The following MEF2B variants were observed in gnomAD, a reference collection of about 807,000 sequenced individuals.
MEF2B encodes myocyte enhancer factor 2B, also known as myocyte-specific enhancer factor 2B.
In MEF2B, 15 loss-of-function variants were observed where a neutral mutation model predicts 32.2. That is an observed-to-expected ratio of 0.47 (90% CI 0.31 to 0.72). The LOEUF (loss-of-function observed/expected upper bound fraction) is 0.72. MEF2B is among the 30% of genes least tolerant of loss of function. The pLI is 0.05. For synonymous variants in MEF2B, 205 were observed against 225.6 expected (o/e 0.91, Z 0.82); for missense variants, 441 against 511.5 (o/e 0.86, Z 1.33).
At chr19:19,149,069 T>G in intron 3 of MEF2B, 157 bp downstream of exon 3, 17 of 875,082 alleles carry the variant, frequency 1.9e-5, no homozygotes, top group East Asian at 2.7e-5. Flanking sequence ...AATGTTTGGA[T>G]GAGTGGAGGG....
chr19:19,162,435 C>T (rs1263503063), intron 1 of MEF2B, among the ~76,000 whole-genome samples: 1 of 152,170 alleles, frequency 6.6e-6, no homozygotes, highest in African/African-American at 2.4e-5. Flanking sequence ...ACAGGCCTGG[C>T]TGCCTTCCCA....
Position 19,147,095 on chromosome 19 carries a change from A to T in MEF2B, c.482T>A (p.Leu161Gln), listed in dbSNP as rs142225963. The T allele has an allele frequency of 5.0e-6, 8 of 1,609,254 alleles. No homozygotes were observed. In the Admixed American group the frequency reaches 1.0e-4, roughly 20 times the overall value. Reference sequence around the variant, plus strand: ...GGGAGATGGGCGGCTCTGGGCGGGCAGTGCTTCCCCAAGCCCACTGGGGTC... The same window carrying T: ...GGGAGATGGGCGGCTCTGGGCGGGCTGTGCTTCCCCAAGCCCACTGGGGTC... ...GCDPSGLGEA[L>Q]PAQSRPSPFR... The change falls in exon 5 of 9, where the codon CTG (leucine) becomes CAG (glutamine). Residue 161 changes from leucine to glutamine, a missense_variant. By Grantham distance (113) the Leu-to-Gln change is moderately radical. Around this residue, in one of 2 missense-constraint regions of MEF2B, gnomAD observed 326 missense variants for 328.4 expected, o/e 0.99. Transcript: ENST00000424583.
chr19:19,147,608 C>A, intron 4 of MEF2B, 90 bp downstream of exon 4: 1 of 1,557,510 alleles, frequency 6.4e-7, no homozygotes, highest in Non-Finnish European at 8.7e-7. Flanking sequence ...GGATCCCTGG[C>A]TCTAAGCCCC....
In MEF2B at chr19:19,170,220, C is replaced by T. The variant is rs998648312; in HGVS notation, c.-45G>A. 7.5e-6 allele frequency: 3 copies of T among 398,568 alleles called. No individual in the cohort carries two copies. Among genetic ancestry groups the T allele is most frequent in the Middle Eastern group, 1.3e-3 (2 of 1,590 alleles). The allele number at this position is 398,568 out of a possible 1,614,324, so 24.7% of individuals were successfully genotyped here. A position where few individuals can be genotyped will look rare whatever the true frequency, so the allele number is the denominator to read the frequency against. On this transcript the variant is annotated 5_prime_UTR_variant, in exon 1 of 9. Transcript: ENST00000424583. Reference sequence around the variant, plus strand: ...TGACACGCACCTGCTCGGCCTGGGCCCTGGGACGCTGGGCGCACGGACCCG... The same window carrying T: ...TGACACGCACCTGCTCGGCCTGGGCTCTGGGACGCTGGGCGCACGGACCCG...
intron 1 of MEF2B, among the ~76,000 whole-genome samples, chr19:19,163,341 G>A (rs986157345): frequency 6.6e-5 from 10 of 151,842 alleles, no homozygotes; most frequent in Admixed American, 1.3e-4. Context: ...TTAGAGCCGG[G>A]GTCTCCCTGT....
intron 4 of MEF2B, among the ~76,000 whole-genome samples, chr19:19,147,448 A>AGG (rs1220876495): frequency 2.9e-5 from 2 of 68,804 alleles, no homozygotes; most frequent in Non-Finnish European, 6.6e-5. Flanking sequence ...AGGGGGCTGC[A>AGG]CAGAGTGTTT....
intron 1 of MEF2B, among the ~76,000 whole-genome samples, chr19:19,163,441 C>T (rs751841294): frequency 5.3e-5 from 8 of 152,140 alleles, no homozygotes; most frequent in African/African-American, 1.4e-4. Flanking sequence ...TAAGCCACCA[C>T]GCCCGGCCAA....
rs1282775152 is a variant in MEF2B at position 19,165,528 on chromosome 19, T to TC, written c.-30+4676dup. ...GTGGGACTGTGCTAAACAGGTGGCTTCCAGGAGCAGGCAAACCCCACACAT... is the reference window on the plus strand; with the variant it reads ...GTGGGACTGTGCTAAACAGGTGGCTTCCCAGGAGCAGGCAAACCCCACACAT... On this transcript the variant is annotated intron_variant, in intron 1 of 8. Transcript: ENST00000424583. Among the ~76,000 whole-genome samples, 3 of 152,128 alleles carry TC rather than the reference T, an allele frequency of 2.0e-5. No homozygotes were observed. The South Asian group carries it at 6.2e-4, about 32-fold the overall frequency.
chr19:19,159,838 C>T (rs2060146400), intron 1 of MEF2B, among the ~76,000 whole-genome samples: 1 of 152,068 alleles, frequency 6.6e-6, no homozygotes, highest in African/African-American at 2.4e-5. Flanking sequence ...GAGGGAATCC[C>T]ACCCTTCCAC....
intron 1 of MEF2B, among the ~76,000 whole-genome samples, chr19:19,155,815 G>GA (rs2060116090): frequency 6.6e-6 from 1 of 152,206 alleles, no homozygotes; most frequent in Non-Finnish European, 1.5e-5. Context: ...AGCACAGGCT[G>GA]AATGTGCCAG....
At chr19:19,163,043 G>A (rs1025110963) in intron 1 of MEF2B, among the ~76,000 whole-genome samples, 2 of 152,186 alleles carry the variant, frequency 1.3e-5, no homozygotes, top group Admixed American at 6.5e-5. Flanking sequence ...CCTTTGCCCG[G>A]ACTGTGTCCA....
chr19:19,153,075 G>A (rs539722239), intron 1 of MEF2B, among the ~76,000 whole-genome samples: 24 of 152,306 alleles, frequency 1.6e-4, no homozygotes, highest in Non-Finnish European at 2.8e-4. Context: ...GCCTTGGTCC[G>A]GAGGTCCCAG....
intron 1 of MEF2B, among the ~76,000 whole-genome samples, chr19:19,163,677 G>A (rs2060185082): frequency 6.6e-6 from 1 of 152,016 alleles, no homozygotes. Flanking sequence ...TTTTTGAGAT[G>A]GGGCCTTGGT....
At position 19,145,582 on chromosome 19, in the gene MEF2B, C is replaced by T; in HGVS notation, c.*215G>A. 1 of 1,149,522 alleles carries T rather than the reference C, an allele frequency of 8.7e-7. No homozygotes were observed. The highest frequency in any genetic ancestry group is 1.6e-5 in the South Asian group (1 of 63,548). The allele number at this position is 1,149,522 out of a possible 1,614,324, so 71.2% of individuals were successfully genotyped here. A position where few individuals can be genotyped will look rare whatever the true frequency, so the allele number is the denominator to read the frequency against. On this transcript the variant is annotated 3_prime_UTR_variant, in exon 9 of 9. Transcript: ENST00000424583. The surrounding 1 kb of genome is among the most constrained non-coding windows in gnomAD (Gnocchi z 4.6). ...TCACAGTCAGTCTGGTCCACGGACG[C>T]CACGCGCGTTTTATTTGTGGATATA...
At chr19:19,146,420 T>G in intron 7 of MEF2B, 36 bp from the exon 8 acceptor site, 2 of 1,114,278 alleles carry the variant, frequency 1.8e-6, no homozygotes, top group South Asian at 3.5e-5. Context: ...GGCCTGGACA[T>G]CTCCTTAAGC....
At chr19:19,155,049 C>A (rs2060110993) in intron 1 of MEF2B, among the ~76,000 whole-genome samples, 1 of 152,172 alleles carries the variant, frequency 6.6e-6, no homozygotes, top group African/African-American at 2.4e-5. Context: ...TCTCCTGAAC[C>A]CCAGTGACAT....
At chr19:19,150,553 A>G in intron 2 of MEF2B, 129 bp downstream of exon 2, 4 of 1,100,938 alleles carry the variant, frequency 3.6e-6, no homozygotes, top group Non-Finnish European at 5.1e-6. Context: ...AGAAAGGCTG[A>G]CATGGCATCA....
At chr19:19,152,038 A>G (rs968921481) in intron 1 of MEF2B, among the ~76,000 whole-genome samples, 3 of 147,934 alleles carry the variant, frequency 2.0e-5, no homozygotes, top group African/African-American at 5.0e-5. Flanking sequence ...TCGGCTCACT[A>G]AAACCTCCGC....
chr19:19,150,610 C>G, intron 2 of MEF2B, 72 bp downstream of exon 2: 1 of 1,605,332 alleles, frequency 6.2e-7, no homozygotes, highest in Non-Finnish European at 8.5e-7. Context: ...TTGGTCAGGT[C>G]AGTCCCTTGC....
Sources: gnomAD v4.1 joint callset for allele counts (sites outside exome capture counted in the v4.1 genomes callset) on GRCh38, gnomAD v4.1.1 for gene constraint, gnomAD v4.1.1 regional missense constraint, Gnocchi (gnomAD v3.1) non-coding constraint, MANE v1.5 for transcripts, NCBI Gene and HGNC (gene_info 2026-07-23, HGNC 2026-07-21) for gene names.